Variants in CACHD1 observed in about 807,000 individuals in gnomAD.
CACHD1 encodes the protein cache domain containing 1, also known as VWFA and cache domain-containing protein 1.
CACHD1 carries 71 observed loss-of-function variants against 138.7 expected under a neutral mutation model. The ratio of observed to expected loss-of-function variants is 0.51; its 90% CI spans 0.42 to 0.62. CACHD1 has a LOEUF of 0.62. CACHD1 is among the 20% of genes least tolerant of loss of function. The probability of loss-of-function intolerance (pLI) is 0.00; values close to 1 mark genes in which losing one functional copy is unlikely to be tolerated. For synonymous variants in CACHD1, 578 were observed against 591.5 expected, an observed-to-expected ratio of 0.98 and a Z score of 0.33; for missense variants, 1,389 against 1,625.3, an observed-to-expected ratio of 0.85 and a Z score of 2.50.
intron 12 of CACHD1, among the ~76,000 whole-genome samples, chr1:64,655,520 C>T (rs748972494): frequency 1.1e-4 from 16 of 151,958 alleles, no homozygotes; most frequent in Admixed American, 3.3e-4. Context: ...AAGTACCTTC[C>T]GACATTCTCT....
chr1:64,658,305 T>C (rs1649331842), intron 12 of CACHD1, among the ~76,000 whole-genome samples: 1 of 152,218 alleles, frequency 6.6e-6, no homozygotes, highest in Non-Finnish European at 1.5e-5. Flanking sequence ...TCAGAACACT[T>C]ATTGCAAAAC....
chr1:64,481,738 T>A (rs1169501696), intron 1 of CACHD1, among the ~76,000 whole-genome samples: 2 of 152,188 alleles, frequency 1.3e-5, no homozygotes, highest in Non-Finnish European at 2.9e-5. Context: ...AAACAGAAAC[T>A]GAGTCTAGTA....
intron 26 of CACHD1, among the ~76,000 whole-genome samples, chr1:64,683,061 C>T (rs917863353): frequency 2.6e-5 from 4 of 152,192 alleles, no homozygotes; most frequent in African/African-American, 9.6e-5. Flanking sequence ...CTTGTATTCC[C>T]TGTATCTACA....
chr1:64,549,780 G>C (rs1229114306), intron 1 of CACHD1, among the ~76,000 whole-genome samples: 2 of 150,894 alleles, frequency 1.3e-5, no homozygotes, highest in South Asian at 2.1e-4. Context: ...AAATGATAAG[G>C]CTGCTGCTCT....
rs191229045 is a variant in CACHD1, at chr1:64,521,144, C to T, written c.199-29450C>T. Among the ~76,000 whole-genome samples the T allele has an allele frequency of 9.1e-4, 139 of 152,290 alleles. 1 individual carries two copies. The Middle Eastern group carries it at 0.031, about 34-fold the overall frequency. ...CCCTTGTGGGCTTGGAGTCTTCTTC[C>T]AGGCTCACTGGTTGTAGATAAGATT... On this transcript the variant is annotated intron_variant, in intron 1 of 26. Coordinates refer to ENST00000651257, the MANE Select transcript of CACHD1 (RefSeq NM_020925.4).
At chr1:64,681,481 C>T (rs904311235) in intron 25 of CACHD1, 146 bp downstream of exon 25, 13 of 418,236 alleles carry the variant, frequency 3.1e-5, no homozygotes, top group Non-Finnish European at 5.0e-5. Context: ...TTTTTCCATC[C>T]TTTTTTGTTA....
Position 64,647,998 on chromosome 1 carries a change from G to A in CACHD1, c.1354G>A (p.Val452Ile), listed in dbSNP as rs201086698. 64 of 1,613,710 alleles carry A rather than the reference G, an allele frequency of 4.0e-5. No homozygotes were observed. In the East Asian group the frequency reaches 6.9e-4, roughly 17 times the overall value. The change falls in exon 9 of 27, where the codon GTC (valine) becomes ATC (isoleucine). Residue 452 changes from valine to isoleucine, a missense_variant. By Grantham distance (29) the Val-to-Ile change is conservative. Coordinates refer to ENST00000651257, the MANE Select transcript of CACHD1 (RefSeq NM_020925.4). The stretch of plus-strand genomic sequence containing the variant: ...TCCCAACCGGATGATTGATGAAGCC[G>A]TCTTCAGCCTGCCCTTCTCTGATGA... ...NLPNRMIDEA[V>I]FSLPFSDEMG...
At chr1:64,577,577 A>C (rs1237734291) in intron 2 of CACHD1, among the ~76,000 whole-genome samples, 1 of 152,150 alleles carries the variant, frequency 6.6e-6, no homozygotes, top group Non-Finnish European at 1.5e-5. Flanking sequence ...TGTAACCTTG[A>C]GCAAATTACC....
intron 1 of CACHD1, among the ~76,000 whole-genome samples, chr1:64,521,184 C>A (rs778931786): frequency 4.6e-5 from 7 of 152,144 alleles, no homozygotes; most frequent in Non-Finnish European, 1.0e-4. Flanking sequence ...TCCTTGCTGT[C>A]GTAGGGCAGA....
In CACHD1 at chr1:64,682,085, T is replaced by C. The variant is rs1166840569; in HGVS notation, c.3565T>C (p.Ser1189Pro). The C allele has an allele frequency of 1.9e-6, 3 of 1,613,906 alleles. No homozygotes were observed. Among genetic ancestry groups the C allele is most frequent in the Non-Finnish European group, 1.7e-6 (2 of 1,179,980 alleles). ...AAGAAGGCGCCGCTACTGGGGTCGA[T>C]CAGGAACAGAAAGTGATCATGGTAA... is the stretch of plus-strand genomic sequence containing the variant. The part of the protein sequence containing the change: ...PERRRRYWGR[S>P]GTESDHGYST... Residue 1189 changes from serine (S) to proline (P), a missense_variant, in exon 26 of 27, where the codon TCA becomes CCA. Around this residue, in one of 5 missense-constraint regions of CACHD1, gnomAD observed 250 missense variants for 292.9 expected, o/e 0.85. Transcript: ENST00000651257.
chr1:64,582,710 C>G (rs535690978), intron 3 of CACHD1, among the ~76,000 whole-genome samples: 2 of 152,142 alleles, frequency 1.3e-5, no homozygotes, highest in African/African-American at 4.8e-5. Flanking sequence ...TTAGTAGATA[C>G]TATCTTTAAA....
At chr1:64,674,597 A>G (rs1267962009) in intron 19 of CACHD1, among the ~76,000 whole-genome samples, 2 of 152,182 alleles carry the variant, frequency 1.3e-5, no homozygotes, top group African/African-American at 2.4e-5. Flanking sequence ...TCTTCCAGAC[A>G]GTTAGAAATT....
chr1:64,528,881 C>G (rs1646560590), intron 1 of CACHD1, among the ~76,000 whole-genome samples: 3 of 151,836 alleles, frequency 2.0e-5, no homozygotes. Flanking sequence ...TGGTAGTCCC[C>G]CAATTTAATG....
At chr1:64,576,989 G>T (rs1309131413) in intron 2 of CACHD1, among the ~76,000 whole-genome samples, 2 of 151,904 alleles carry the variant, frequency 1.3e-5, no homozygotes, top group East Asian at 3.9e-4. Context: ...GGTATCATAG[G>T]GTGGAGTGCA....
At chr1:64,587,149 A>G (rs903858972) in intron 3 of CACHD1, among the ~76,000 whole-genome samples, 2 of 152,160 alleles carry the variant, frequency 1.3e-5, no homozygotes, top group African/African-American at 4.8e-5. Context: ...TTTGTTACTA[A>G]CATTTTAAGT....
chr1:64,626,703 C>T (rs1648113062), intron 4 of CACHD1, among the ~76,000 whole-genome samples: 3 of 152,144 alleles, frequency 2.0e-5, no homozygotes, highest in Admixed American at 2.0e-4. Context: ...GGCAAAAGTC[C>T]ACCATACTTT....
intron 1 of CACHD1, among the ~76,000 whole-genome samples, chr1:64,529,384 T>C: frequency 6.6e-6 from 1 of 152,188 alleles, no homozygotes; most frequent in Middle Eastern, 3.2e-3. Flanking sequence ...TCAAACCTCT[T>C]TGGCATGTTT....
chr1:64,583,754 G>A (rs915558524), intron 3 of CACHD1, among the ~76,000 whole-genome samples: 1 of 152,130 alleles, frequency 6.6e-6, no homozygotes, highest in Non-Finnish European at 1.5e-5. Context: ...GCAAAGACAC[G>A]TCTTATATGG....
chr1:64,595,570 C>G (rs944749079), intron 3 of CACHD1, among the ~76,000 whole-genome samples: 1 of 152,126 alleles, frequency 6.6e-6, no homozygotes, highest in African/African-American at 2.4e-5. Context: ...TTTGATTTTT[C>G]CAGATACCCG....
Sources: gnomAD v4.1 joint callset for allele counts (sites outside exome capture counted in the v4.1 genomes callset) on GRCh38, gnomAD v4.1.1 for gene constraint, gnomAD v4.1.1 regional missense constraint, MANE v1.5 for transcripts, NCBI Gene and HGNC (gene_info 2026-07-23, HGNC 2026-07-21) for gene names.